Variants in SLC39A6 observed in about 807,000 individuals in gnomAD.
SLC39A6 encodes the protein zinc transporter ZIP6.
A neutral mutation model predicts 63.5 loss-of-function variants in SLC39A6; 51 were observed. That is an observed-to-expected ratio of 0.80 (90% CI 0.64 to 1.01). SLC39A6 has a LOEUF of 1.01. Ranked by LOEUF, SLC39A6 falls within the 50% of genes least tolerant of loss-of-function variation. The pLI is 0.00. For missense variants in SLC39A6, 805 were observed against 927.8 expected, an observed-to-expected ratio of 0.87 and a Z score of 1.72; for synonymous variants, 318 against 324.7, an observed-to-expected ratio of 0.98 and a Z score of 0.22.
At chr18:36,120,772 C>T (rs1235190473) in intron 5 of SLC39A6, among the ~76,000 whole-genome samples, 12 of 152,140 alleles carry the variant, frequency 7.9e-5, no homozygotes, top group Admixed American at 7.2e-4. Context: ...GGATCATAGG[C>T]GTGAGCCACC....
At position 36,120,990 on chromosome 18, in the gene SLC39A6, A is replaced by T. The variant is rs530625441; in HGVS notation, c.1359+1062T>A. ...AATTTTAGAGAAACCAAAATTGGAA[A>T]TCATAGATGAAGCAGCATGGCTGAT... On this transcript the variant is annotated intron_variant, in intron 5 of 9. Transcript: ENST00000269187. Among the ~76,000 whole-genome samples, 73 of 152,316 alleles carry T rather than the reference A, an allele frequency of 4.8e-4. No homozygotes were observed. The South Asian group carries it at 0.014, about 30-fold the overall frequency.
At chr18:36,118,535 G>T (rs1363520438) in intron 5 of SLC39A6, among the ~76,000 whole-genome samples, 2 of 152,172 alleles carry the variant, frequency 1.3e-5, no homozygotes, top group African/African-American at 4.8e-5. Context: ...ATTCCAGGCA[G>T]GGAGTAGCAC....
At chr18:36,109,817 A>C in intron 9 of SLC39A6, 72 bp from the exon 10 acceptor site, 1 of 1,251,204 alleles carries the variant, frequency 8.0e-7, no homozygotes, top group Non-Finnish European at 1.1e-6. Context: ...TTTTAGAAAA[A>C]TTTATAGGAC....
chr18:36,121,879 T>C (rs539163585), intron 5 of SLC39A6, among the ~76,000 whole-genome samples, 173 bp downstream of exon 5: 1 of 152,294 alleles, frequency 6.6e-6, no homozygotes, highest in Non-Finnish European at 1.5e-5. Context: ...GCTATTAAGA[T>C]ATAGAAATGC....
chr18:36,128,215 C>A (rs1284008993), intron 1 of SLC39A6, among the ~76,000 whole-genome samples: 1 of 152,168 alleles, frequency 6.6e-6, no homozygotes, highest in Admixed American at 6.5e-5. Context: ...GCAGGATGTC[C>A]AGCACCAACG....
chr18:36,114,283 C>T lies in SLC39A6; in HGVS notation c.1657G>A (p.Asp553Asn), dbSNP rs1214137559. 5 of 1,613,984 alleles carry T rather than the reference C, an allele frequency of 3.1e-6. No homozygotes were observed. Among genetic ancestry groups the T allele is most frequent in the African/African-American group, 1.3e-5 (1 of 74,884 alleles). The change falls in exon 7 of 10, where the codon GAT becomes AAT. Residue 553 changes from aspartate (D) to asparagine (N), a missense_variant. Asp to Asn is a conservative substitution (Grantham distance 23). Transcript: ENST00000269187. ...TAGTCATGATGGTGGTGAATGAGAT[C>T]GTCTGACTGGCCGAGTGTATCGTGG... is the stretch of plus-strand genomic sequence containing the variant. ...HFHDTLGQSD[D>N]LIHHHHDYHH...
At chr18:36,113,198 G>A (rs897531532) in intron 7 of SLC39A6, among the ~76,000 whole-genome samples, 5 of 151,744 alleles carry the variant, frequency 3.3e-5, no homozygotes, top group Non-Finnish European at 7.4e-5. Context: ...GGGCTCAAGC[G>A]TTCCATCTAC....
intron 2 of SLC39A6, among the ~76,000 whole-genome samples, chr18:36,124,971 A>G (rs938911113): frequency 3.9e-5 from 6 of 152,328 alleles, no homozygotes; most frequent in Admixed American, 1.3e-4. Context: ...GCATGAGGAT[A>G]AATGGAGATT....
intron 8 of SLC39A6, 79 bp downstream of exon 8, chr18:36,112,422 C>G (rs931396740): frequency 8.9e-6 from 9 of 1,006,088 alleles, no homozygotes; most frequent in Non-Finnish European, 1.4e-5. Flanking sequence ...AAGAAGCTTG[C>G]TGAACTACCA....
In SLC39A6 at chr18:36,109,395, G is replaced by T. The variant is rs368808438; in HGVS notation, c.*198C>A. 1.7e-5 allele frequency: 7 copies of T among 417,194 alleles called. No individual in the cohort carries two copies. Among genetic ancestry groups the T allele is most frequent in the African/African-American group, 1.2e-4 (6 of 48,710 alleles). The allele number at this position is 417,194 out of a possible 1,614,324, so 25.8% of individuals were successfully genotyped here. A position where few individuals can be genotyped will look rare whatever the true frequency, so the allele number is the denominator to read the frequency against. On this transcript the variant is annotated 3_prime_UTR_variant, in exon 10 of 10. Coordinates refer to ENST00000269187, the MANE Select transcript of SLC39A6 (RefSeq NM_012319.4). ...GTAATACCGGTGAATTGCACATACA[G>T]ATTTTATCTCCAAGATAGAATAACT...
rs977932930 is a variant in SLC39A6 at position 36,108,625 on chromosome 18, C to G, written c.*968G>C. The G allele has an allele frequency of 1.3e-5, 2 of 152,152 alleles. No individual in the cohort carries two copies. Among genetic ancestry groups the G allele is most frequent in the African/African-American group, 4.8e-5 (2 of 41,432 alleles). 9.4% of individuals were successfully genotyped at this position (152,152 alleles called of 1,614,324 possible). On this transcript the variant is annotated 3_prime_UTR_variant, in exon 10 of 10. Coordinates refer to ENST00000269187, the MANE Select transcript of SLC39A6 (RefSeq NM_012319.4). The stretch of plus-strand genomic sequence containing the variant: ...TGGCTACAGTACCGTATATAAAAGA[C>G]AATTGCTCACAATGATAGCACTGAA...
intron 1 of SLC39A6, 48 bp from the exon 2 acceptor site, chr18:36,127,064 T>C (rs1051351575): frequency 5.4e-6 from 8 of 1,478,524 alleles, no homozygotes; most frequent in South Asian, 2.7e-5. Flanking sequence ...CTAAAACAAA[T>C]TGAATTAAGA....
intron 5 of SLC39A6, among the ~76,000 whole-genome samples, chr18:36,117,198 C>G (rs960226750): frequency 6.6e-6 from 1 of 152,154 alleles, no homozygotes; most frequent in African/African-American, 2.4e-5. Flanking sequence ...GATCGTGCCA[C>G]TGCACTCCAG....
In SLC39A6 at chr18:36,117,058, G is replaced by T. The variant is rs560930392; in HGVS notation, c.1360-279C>A. Among the ~76,000 whole-genome samples the T allele has an allele frequency of 3.9e-5, 6 of 152,318 alleles. No homozygotes were observed. The South Asian group carries it at 1.2e-3, about 32-fold the overall frequency. On this transcript the variant is annotated intron_variant, in intron 5 of 9. Coordinates refer to ENST00000269187, the MANE Select transcript of SLC39A6 (RefSeq NM_012319.4). ...TCGAGACCAGCCTGGCCAATACGGT[G>T]AAACTCCATCTCTACTAAAAATACA...
At chr18:36,125,350 G>GAAAAAAAAA (rs72307025) in intron 2 of SLC39A6, among the ~76,000 whole-genome samples, 1 of 134,042 alleles carries the variant, frequency 7.5e-6, no homozygotes, top group African/African-American at 2.8e-5. Flanking sequence ...AGCCAAAAAA[G>GAAAAAAAAA]AAAAAAAAAA....
chr18:36,120,218 TC>T (rs2089380978), intron 5 of SLC39A6, among the ~76,000 whole-genome samples: 1 of 151,466 alleles, frequency 6.6e-6, no homozygotes, highest in Non-Finnish European at 1.5e-5. Context: ...CCTGAAGAGC[TC>T]CCAGTACTCA....
chr18:36,109,692 C>A lies in SLC39A6; in HGVS notation c.2169G>T (p.Gly723=), dbSNP rs878911035. The A allele has an allele frequency of 9.9e-6, 16 of 1,612,000 alleles. No homozygotes were observed. Among genetic ancestry groups the A allele is most frequent in the East Asian group, 2.2e-5 (1 of 44,842 alleles). ...DASDHGCSRW[G]YFFLQNAGML... is the part of the protein sequence containing the mutation. ...TCCCAGCATTCTGTAAAAAGAAATACCCCCAGCGGCTACATCCATGGTCAC... is the reference window on the plus strand; with the variant it reads ...TCCCAGCATTCTGTAAAAAGAAATAACCCCAGCGGCTACATCCATGGTCAC... Residue 723 remains glycine (G), a synonymous_variant, in exon 10 of 10, where the codon GGG becomes GGT. Coordinates refer to ENST00000269187, the MANE Select transcript of SLC39A6 (RefSeq NM_012319.4).
At chr18:36,116,645 A>G (rs1347166783) in intron 6 of SLC39A6, 29 bp downstream of exon 6, 6 of 1,433,166 alleles carry the variant, frequency 4.2e-6, no homozygotes, top group Non-Finnish European at 5.9e-6. Flanking sequence ...AACTCCCTCC[A>G]GCCCTAAAAT....
chr18:36,120,864 T>C (rs1201912845), intron 5 of SLC39A6, among the ~76,000 whole-genome samples: 1 of 152,220 alleles, frequency 6.6e-6, no homozygotes, highest in Non-Finnish European at 1.5e-5. Flanking sequence ...TAAAAAAAGA[T>C]ATCAAATTAC....
Sources: allele counts gnomAD v4.1 joint callset (sites outside exome capture counted in the v4.1 genomes callset), GRCh38; gene constraint gnomAD v4.1.1; transcripts MANE v1.5; gene names NCBI Gene and HGNC (gene_info 2026-07-23, HGNC 2026-07-21).